Variants in SYT2 observed in about 807,000 individuals in gnomAD.
SYT2 encodes the protein synaptotagmin-2.
In SYT2, 15 loss-of-function variants were observed where a neutral mutation model predicts 39.9. That is an observed-to-expected ratio of 0.38 (90% CI 0.25 to 0.58). The LOEUF is 0.58. Ranked by LOEUF, SYT2 falls within the 20% of genes least tolerant of loss-of-function variation. The pLI, the probability that SYT2 is intolerant of heterozygous loss-of-function variation, is 0.70. For synonymous variants in SYT2, 181 were observed against 204.5 expected (o/e 0.89, Z 0.98); for missense variants, 389 against 530.3 (o/e 0.73, Z 2.62).
intron 7 of SYT2, 67 bp downstream of exon 7, chr1:202,600,290 A>G: frequency 2.2e-6 from 3 of 1,351,100 alleles, no homozygotes; most frequent in Middle Eastern, 3.9e-4. Context: ...GAGTGTGCAA[A>G]CTCTGGGACT....
At chr1:202,701,153 T>G (rs747132609) in intron 1 of SYT2, among the ~76,000 whole-genome samples, 1 of 152,210 alleles carries the variant, frequency 6.6e-6, no homozygotes, top group Non-Finnish European at 1.5e-5. Flanking sequence ...AAATTCTAAT[T>G]TTTGCTTGAA....
chr1:202,633,185 C>T (rs985073650), intron 1 of SYT2, among the ~76,000 whole-genome samples: 1 of 152,122 alleles, frequency 6.6e-6, no homozygotes, highest in Non-Finnish European at 1.5e-5. Flanking sequence ...AAGCCACTAG[C>T]TCAAATACTG....
At chr1:202,647,745 T>C (rs1692116537) in intron 1 of SYT2, among the ~76,000 whole-genome samples, 1 of 152,188 alleles carries the variant, frequency 6.6e-6, no homozygotes, top group Admixed American at 6.5e-5. Flanking sequence ...ACTAGATTTC[T>C]GCAAAGAGCC....
rs201928641 is a variant in SYT2 at position 202,606,890 on chromosome 1, G to GT, written c.-17-1102dup. Among the ~76,000 whole-genome samples, 738 of 151,722 alleles carry GT rather than the reference G, an allele frequency of 4.9e-3. 6 individuals carry two copies. Among genetic ancestry groups the GT allele is most frequent in the African/African-American group, 0.017 (703 of 41,352 alleles). The stretch of plus-strand genomic sequence containing the variant: ...ACATGTTGAGACCATACTATGTATA[G>GT]TTTTTTTTCAAGATTTTTTACATAA... On this transcript the variant is annotated intron_variant, in intron 1 of 8. Transcript: ENST00000367268.
chr1:202,629,651 G>C (rs768033904), intron 1 of SYT2, among the ~76,000 whole-genome samples: 2 of 152,060 alleles, frequency 1.3e-5, no homozygotes, highest in African/African-American at 4.8e-5. Flanking sequence ...CTGTAATCCC[G>C]GCACTTTGGG....
intron 1 of SYT2, among the ~76,000 whole-genome samples, chr1:202,691,263 G>A (rs1558463110): frequency 6.6e-6 from 1 of 152,284 alleles, no homozygotes; most frequent in Middle Eastern, 3.4e-3. Flanking sequence ...TGACCAAAGG[G>A]ATGACAGTTA....
intron 1 of SYT2, chr1:202,636,577 A>C (rs1239987395): frequency 6.1e-6 from 1 of 163,010 alleles, no homozygotes; most frequent in Non-Finnish European, 1.3e-5. Context: ...GCAGTAACTT[A>C]ATAGTGGGTT....
At chr1:202,607,486 C>G (rs112377778) in intron 1 of SYT2, among the ~76,000 whole-genome samples, 19 of 152,274 alleles carry the variant, frequency 1.2e-4, no homozygotes, top group African/African-American at 4.3e-4. Context: ...TATGAGTTAA[C>G]TCTCCTCTAG....
rs373764783 is a variant in SYT2, at chr1:202,671,049, G to A, written c.-18+39209C>T. 4.6e-5 allele frequency among the ~76,000 whole-genome samples: 7 copies of A among 152,310 alleles called. 1 individual carries two copies. The highest frequency in any genetic ancestry group is 2.1e-4 in the South Asian group (1 of 4,822). On this transcript the variant is annotated intron_variant, in intron 1 of 8. Coordinates refer to ENST00000367268, the MANE Select transcript of SYT2 (RefSeq NM_177402.5). ...ACCAATCCTTTGTGATAAGCAGCCC[G>A]CCACTCCCATCGGCGATCAGCTAGC...
At chr1:202,620,877 A>G (rs1353410240) in intron 1 of SYT2, among the ~76,000 whole-genome samples, 1 of 152,184 alleles carries the variant, frequency 6.6e-6, no homozygotes. Context: ...GCCCATGGTC[A>G]GCCTACATGG....
chr1:202,606,378 A>C (rs1172143769), intron 1 of SYT2, among the ~76,000 whole-genome samples: 1 of 152,138 alleles, frequency 6.6e-6, no homozygotes, highest in Non-Finnish European at 1.5e-5. Context: ...GGAAGGAGAC[A>C]AGGTTTTACA....
At chr1:202,691,984 C>T (rs1483176227) in intron 1 of SYT2, among the ~76,000 whole-genome samples, 1 of 152,056 alleles carries the variant, frequency 6.6e-6, no homozygotes, top group Non-Finnish European at 1.5e-5. Flanking sequence ...TCAAAGCACC[C>T]CCAGCCCTCA....
At chr1:202,685,115 C>A (rs1361285930) in intron 1 of SYT2, among the ~76,000 whole-genome samples, 1 of 152,148 alleles carries the variant, frequency 6.6e-6, no homozygotes, top group Non-Finnish European at 1.5e-5. Context: ...CCTGTCCTGG[C>A]AAACCTGTCG....
chr1:202,687,747 C>CG (rs1206685641), intron 1 of SYT2, among the ~76,000 whole-genome samples: 2 of 151,662 alleles, frequency 1.3e-5, no homozygotes, highest in Non-Finnish European at 2.9e-5. Flanking sequence ...CGGCTCAGAC[C>CG]GGGGGGATCA....
chr1:202,665,173 G>C (rs1692458524), intron 1 of SYT2, among the ~76,000 whole-genome samples: 1 of 152,156 alleles, frequency 6.6e-6, no homozygotes, highest in Non-Finnish European at 1.5e-5. Flanking sequence ...GTAATGAACT[G>C]GTCCCTGGGA....
intron 1 of SYT2, among the ~76,000 whole-genome samples, chr1:202,606,016 C>T (rs1356307804): frequency 6.6e-6 from 1 of 151,416 alleles, no homozygotes; most frequent in Non-Finnish European, 1.5e-5. Flanking sequence ...TTTAGTTAGG[C>T]ATAGTGGGGG....
chr1:202,685,149 A>G (rs1421331156), intron 1 of SYT2, among the ~76,000 whole-genome samples: 2 of 152,210 alleles, frequency 1.3e-5, no homozygotes, highest in African/African-American at 2.4e-5. Flanking sequence ...CTGAACAAAC[A>G]GTGCATTTCC....
chr1:202,631,559 C>A (rs578033715), intron 1 of SYT2, among the ~76,000 whole-genome samples: 1 of 152,128 alleles, frequency 6.6e-6, no homozygotes, highest in Admixed American at 6.5e-5. Context: ...GGTGCCTCTG[C>A]CCCCACCCAA....
intron 1 of SYT2, chr1:202,630,508 G>A (rs1334370954): frequency 5.2e-6 from 3 of 576,720 alleles, no homozygotes; most frequent in Non-Finnish European, 6.6e-6. Flanking sequence ...AGATGGGGTG[G>A]GCTTGGAAGA....
Sources: allele counts gnomAD v4.1 joint callset (sites outside exome capture counted in the v4.1 genomes callset), GRCh38; gene constraint gnomAD v4.1.1; transcripts MANE v1.5; gene names NCBI Gene and HGNC (gene_info 2026-07-23, HGNC 2026-07-21).